POT1: variants seen among roughly 807,000 people sequenced by gnomAD.
The protein encoded by POT1 is protection of telomeres 1.
POT1 carries 47 observed loss-of-function variants against 78.5 expected under a neutral mutation model. The observed-to-expected ratio is 0.60, with a 90% CI of 0.47 to 0.76. The LOEUF (loss-of-function observed/expected upper bound fraction) is 0.76. Ranked by LOEUF, POT1 falls within the 30% of genes least tolerant of loss-of-function variation. The probability of loss-of-function intolerance (pLI) is 0.00; values close to 1 mark genes in which losing one functional copy is unlikely to be tolerated. For missense variants in POT1, 646 were observed against 749.9 expected, an observed-to-expected ratio of 0.86 and a Z score of 1.62; for synonymous variants, 259 against 260.7, an observed-to-expected ratio of 0.99 and a Z score of 0.06.
intron 17 of POT1, among the ~76,000 whole-genome samples, chr7:124,826,793 C>T (rs748209785): frequency 2.2e-4 from 33 of 152,076 alleles, no homozygotes; most frequent in Non-Finnish European, 3.7e-4. Flanking sequence ...TGCTTGAACC[C>T]GGGAGGCGGA....
At chr7:124,856,460 G>A (rs774407903) in intron 9 of POT1, among the ~76,000 whole-genome samples, 1 of 151,984 alleles carries the variant, frequency 6.6e-6, no homozygotes, top group Non-Finnish European at 1.5e-5. Context: ...TCTTAATTAT[G>A]TGTGCTCATA....
intron 3 of POT1, among the ~76,000 whole-genome samples, chr7:124,906,477 C>G (rs1035413525): frequency 8.4e-6 from 1 of 118,528 alleles, no homozygotes; most frequent in Non-Finnish European, 1.7e-5. Flanking sequence ...CATCACACAC[C>G]GGGGCTTGTC....
intron 2 of POT1, among the ~76,000 whole-genome samples, chr7:124,928,408 C>G (rs1797327379): frequency 6.6e-6 from 1 of 152,156 alleles, no homozygotes; most frequent in Non-Finnish European, 1.5e-5. Flanking sequence ...AAGGAAGGTA[C>G]AGCACAGTCT....
intron 7 of POT1, 125 bp from the exon 8 acceptor site, chr7:124,863,765 T>TA: frequency 4.2e-6 from 3 of 717,846 alleles, no homozygotes; most frequent in Non-Finnish European, 6.9e-6. Context: ...GGGCATTTTT[T>TA]AAAAACTATT....
At position 124,835,297 on chromosome 7, in the gene POT1, C is replaced by T. The variant is rs1794864420; in HGVS notation, c.1487G>A (p.Gly496Glu). 1.2e-6 allele frequency: 2 copies of T among 1,613,798 alleles called. No individual in the cohort carries two copies. Among genetic ancestry groups the T allele is most frequent in the South Asian group, 1.1e-5 (1 of 91,064 alleles). ...AAAATACCCATAGTGATGTATTGTT[C>T]CTTGTATAAGAAATGGTGCTGAAAG... Reference protein sequence around the residue: ...LDLSAPFLIQGTIHHYGCKQC... With the variant: ...LDLSAPFLIQETIHHYGCKQC... Residue 496 changes from glycine to glutamate, a missense_variant, in exon 15 of 19, where the codon GGA (glycine) becomes GAA (glutamate). By Grantham distance (98) the Gly-to-Glu change is moderately conservative. Coordinates refer to ENST00000357628, the MANE Select transcript of POT1 (RefSeq NM_015450.3).
intron 14 of POT1, among the ~76,000 whole-genome samples, chr7:124,839,394 C>T (rs1156298393): frequency 5.3e-5 from 8 of 152,178 alleles, no homozygotes; most frequent in Non-Finnish European, 1.0e-4. Context: ...AAACTATGGT[C>T]ACAATAAAAT....
At chr7:124,886,704 G>A (rs1295843841) in intron 6 of POT1, among the ~76,000 whole-genome samples, 1 of 152,028 alleles carries the variant, frequency 6.6e-6, no homozygotes, top group Non-Finnish European at 1.5e-5. Flanking sequence ...AGTGATTGAA[G>A]TAAACATATC....
At chr7:124,902,457 T>C (rs187213053) in intron 3 of POT1, among the ~76,000 whole-genome samples, 1,656 of 152,210 alleles carry the variant, frequency 0.011, 38 homozygotes, top group Non-Finnish European at 0.011. Context: ...ATAAAATCCT[T>C]TACAGACAAG....
At chr7:124,929,530 A>G (rs1054511169) in intron 1 of POT1, 2 of 152,094 alleles carry the variant, frequency 1.3e-5, no homozygotes, top group East Asian at 1.9e-4. Flanking sequence ...ACTAGTGTCG[A>G]TATCTAATTT....
At position 124,846,952 on chromosome 7, in the gene POT1, T is replaced by C. The variant is rs1224859801; in HGVS notation, c.996A>G (p.Leu332=). ...SLYEVERCQQ[L]SATILTDHQY... is the part of the protein sequence containing the mutation. ...GATACATAGTCTTACTTGTAGCAGA[T>C]AGCTGTTGACATCTTTCTACCTCGT... Residue 332 remains leucine, a synonymous_variant, in exon 12 of 19, where the codon CTA becomes CTG. Transcript: ENST00000357628. The C allele has an allele frequency of 3.7e-6, 6 of 1,600,756 alleles. No individual in the cohort carries two copies. The highest frequency in any genetic ancestry group is 1.3e-5 in the African/African-American group (1 of 74,606).
In POT1 at chr7:124,879,740, A is replaced by G. The variant is rs542084481; in HGVS notation, c.125-8699T>C. On this transcript the variant is annotated intron_variant, in intron 6 of 18. Coordinates refer to ENST00000357628, the MANE Select transcript of POT1 (RefSeq NM_015450.3). ...TTCTGAGAGGGAAAATTCATTCTTT[A>G]GCAATATAAGATTTTGGTGATAAAG... 7.2e-5 allele frequency among the ~76,000 whole-genome samples: 11 copies of G among 152,280 alleles called. No homozygotes were observed. The East Asian group carries it at 2.1e-3, about 29-fold the overall frequency.
rs1794561849 is a variant in POT1 at position 124,823,731 on chromosome 7, T to G, written c.*231A>C. ...CAGACACTTATCTCAGCAGTACTTGTTTAAGCAGGTCTCTTTGTACAAAAG... is the reference window on the plus strand; with the variant it reads ...CAGACACTTATCTCAGCAGTACTTGGTTAAGCAGGTCTCTTTGTACAAAAG... On this transcript the variant is annotated 3_prime_UTR_variant, in exon 19 of 19. Transcript: ENST00000357628. 2 of 474,562 alleles carry G rather than the reference T, an allele frequency of 4.2e-6. No homozygotes were observed. Among genetic ancestry groups the G allele is most frequent in the Non-Finnish European group, 7.4e-6 (2 of 270,276 alleles). The allele number at this position is 474,562 out of a possible 1,614,324, so 29.4% of individuals were successfully genotyped here.
intron 5 of POT1, 52 bp from the exon 6 acceptor site, chr7:124,892,432 G>C (rs769186233): frequency 9.1e-6 from 8 of 881,588 alleles, no homozygotes; most frequent in Middle Eastern, 2.5e-4. Context: ...TTACATTGTA[G>C]AATCATGTTA....
At chr7:124,921,980 C>T (rs1797161782) in intron 2 of POT1, among the ~76,000 whole-genome samples, 1 of 151,852 alleles carries the variant, frequency 6.6e-6, no homozygotes, top group Admixed American at 6.6e-5. Context: ...AAAGAAAAAG[C>T]TTACTTAAGC....
chr7:124,926,644 C>T (rs995454748), intron 2 of POT1, among the ~76,000 whole-genome samples: 21 of 152,152 alleles, frequency 1.4e-4, no homozygotes, highest in Admixed American at 7.9e-4. Context: ...ATGTATACCA[C>T]AGCAGTATTC....
intron 2 of POT1, among the ~76,000 whole-genome samples, chr7:124,916,241 G>C (rs1347064225): frequency 6.6e-6 from 1 of 152,058 alleles, no homozygotes; most frequent in Non-Finnish European, 1.5e-5. Flanking sequence ...TCCAGACTTT[G>C]ATATAGCTAA....
intron 7 of POT1, 134 bp downstream of exon 7, chr7:124,870,777 A>C (rs959874312): frequency 1.7e-5 from 10 of 586,240 alleles, no homozygotes; most frequent in Non-Finnish European, 2.5e-5. Flanking sequence ...TAATATTTAC[A>C]TTACTTCTTA....
Position 124,853,021 on chromosome 7 carries a change from C to T in POT1, c.820G>A (p.Gly274Arg), listed in dbSNP as rs1296966928. Residue 274 changes from glycine (G) to arginine (R), a missense_variant, in exon 10 of 19, where the codon GGA becomes AGA. Physicochemically the swap from Gly to Arg is moderately radical, Grantham distance 125 (BLOSUM62 -2). Around this residue, in one of 2 missense-constraint regions of POT1, gnomAD observed 252 missense variants for 341.4 expected, o/e 0.74. Transcript: ENST00000357628. ...TTACTTTCTGGCAAGACCCTGATTC[C>T]CCGACCGTAACTGGTACCTCCATGA... ...HLHGGTSYGR[G>R]IRVLPESNSD... The T allele has an allele frequency of 1.2e-6, 2 of 1,613,376 alleles. No homozygotes were observed. The highest frequency in any genetic ancestry group is 1.7e-6 in the Non-Finnish European group (2 of 1,179,506).
chr7:124,851,787 A>C, intron 11 of POT1, 85 bp downstream of exon 11: 1 of 967,266 alleles, frequency 1.0e-6, no homozygotes, highest in South Asian at 1.4e-5. Flanking sequence ...AAGAGAGACA[A>C]AGAGAAGACA....
Sources: gnomAD v4.1 joint callset for allele counts (sites outside exome capture counted in the v4.1 genomes callset) on GRCh38, gnomAD v4.1.1 for gene constraint, gnomAD v4.1.1 regional missense constraint, MANE v1.5 for transcripts, NCBI Gene and HGNC (gene_info 2026-07-23, HGNC 2026-07-21) for gene names.